Variants in LDB1 observed in about 807,000 individuals in gnomAD.
LDB1 encodes LIM domain-binding protein 1.
A neutral mutation model predicts 49.7 loss-of-function variants in LDB1; 6 were observed. The ratio of observed to expected loss-of-function variants is 0.12; its 90% CI spans 0.07 to 0.24. The LOEUF is 0.24. Ranked by LOEUF, LDB1 falls within the 10% of genes least tolerant of loss-of-function variation. The probability of loss-of-function intolerance (pLI) is 1.00; values close to 1 mark genes in which losing one functional copy is unlikely to be tolerated. For missense variants in LDB1, 341 were observed against 561.7 expected (o/e 0.61, Z 3.97); for synonymous variants, 233 against 202.0 (o/e 1.15, Z -1.30).
downstream of LDB1, among the ~76,000 whole-genome samples, chr10:102,106,181 C>A (rs1231294653): frequency 6.6e-6 from 1 of 152,084 alleles, no homozygotes; most frequent in East Asian, 1.9e-4. Context: ...GGAGGGCCAC[C>A]TGTCTGGCTG....
chr10:102,118,592 C>T (rs1299032642), intron 1 of LDB1, among the ~76,000 whole-genome samples: 1 of 152,214 alleles, frequency 6.6e-6, no homozygotes, highest in Non-Finnish European at 1.5e-5. Context: ...CATACATACC[C>T]GCTTACCCAC....
At chr10:102,103,654 A>G (rs1040677349), downstream of LDB1, among the ~76,000 whole-genome samples, 2 of 151,934 alleles carry the variant, frequency 1.3e-5, no homozygotes, top group African/African-American at 2.4e-5. Context: ...TCTCTACTAA[A>G]ATTACAAAAA....
chr10:102,102,290 C>T (rs2068127945), downstream of LDB1, among the ~76,000 whole-genome samples: 1 of 152,160 alleles, frequency 6.6e-6, no homozygotes, highest in Non-Finnish European at 1.5e-5. Context: ...GTGTCATGAA[C>T]CAAGGTTATG....
At position 102,111,293 on chromosome 10, in the gene LDB1, G is replaced by C. The variant is rs1440518521; in HGVS notation, c.136C>G (p.Pro46Ala). Residue 46 changes from proline (P) to alanine (A), a missense_variant, in exon 3 of 11, where the codon CCC becomes GCC. Pro to Ala is a conservative substitution (Grantham distance 27). Around this residue, in one of 5 missense-constraint regions of LDB1, gnomAD observed 48 missense variants for 43.9 expected, o/e 1.09. Transcript: ENST00000673968. ...TMLDRDVGPT[P>A]MYPPTYLEPG... ...TCCAGGTATGTAGGCGGATACATGG[G>C]AGTTGGGCTGTGTAAAGGAAGAGGC... 4.3e-6 allele frequency: 7 copies of C among 1,614,120 alleles called. No homozygotes were observed. The highest frequency in any genetic ancestry group is 5.9e-6 in the Non-Finnish European group (7 of 1,179,986).
rs765518895 is a variant in LDB1 at position 102,107,141 on chromosome 10, G to A, written c.*952C>T. On this transcript the variant is annotated 3_prime_UTR_variant, in exon 11 of 11. Transcript: ENST00000673968. ...AACAAGGCTGCTCCCTTCTCTCCAC[G>A]CTCCCTAAGGGAAGGAGCCTCCCCT... Among the ~76,000 whole-genome samples the A allele has an allele frequency of 2.0e-5, 3 of 152,072 alleles. No individual in the cohort carries two copies. Among genetic ancestry groups the A allele is most frequent in the Non-Finnish European group, 4.4e-5 (3 of 68,016 alleles).
chr10:102,112,908 C>T (rs926179974), intron 1 of LDB1, among the ~76,000 whole-genome samples: 10 of 152,274 alleles, frequency 6.6e-5, no homozygotes, highest in Admixed American at 2.6e-4. Context: ...GTGTTAAATT[C>T]ATAGTTGGGT....
chr10:102,113,371 G>C (rs560615234), intron 1 of LDB1, among the ~76,000 whole-genome samples: 1 of 152,112 alleles, frequency 6.6e-6, no homozygotes, highest in Non-Finnish European at 1.5e-5. Flanking sequence ...TCAGATGCCC[G>C]CAACAGGCCC....
At chr10:102,105,151 G>A (rs533078845), downstream of LDB1, among the ~76,000 whole-genome samples, 1 of 152,292 alleles carries the variant, frequency 6.6e-6, no homozygotes, top group Admixed American at 6.5e-5. Flanking sequence ...TACACTCAGT[G>A]CCAGACACAG....
At chr10:102,114,810 C>CGG in intron 1 of LDB1, 6 of 963,284 alleles carry the variant, frequency 6.2e-6, no homozygotes, top group Non-Finnish European at 7.4e-6. Context: ...TGCCTCCGAG[C>CGG]AGCCCGCCCG....
At chr10:102,113,773 A>AC (rs1335237093) in intron 1 of LDB1, among the ~76,000 whole-genome samples, 1 of 152,038 alleles carries the variant, frequency 6.6e-6, no homozygotes, top group African/African-American at 2.4e-5. Context: ...AAAAAAAAAA[A>AC]AAAAACTCTC....
Position 102,110,940 on chromosome 10 carries a change from G to A in LDB1, c.281C>T (p.Thr94Met). ...GGCATCATCCTCAAAGAACTCAGTCGTGAATGCATCCCACCAGAGATTGTC... is the reference window on the plus strand; with the variant it reads ...GGCATCATCCTCAAAGAACTCAGTCATGAATGCATCCCACCAGAGATTGTC... ...ECDNLWWDAF[T>M]TEFFEDDAML... Residue 94 changes from threonine (T) to methionine (M), a missense_variant, in exon 5 of 11, where the codon ACG becomes ATG. By Grantham distance (81) the Thr-to-Met change is moderately conservative (BLOSUM62 -1). Transcript: ENST00000673968. 6 of 1,614,064 alleles carry A rather than the reference G, an allele frequency of 3.7e-6. No individual in the cohort carries two copies. The highest frequency in any genetic ancestry group is 5.1e-6 in the Non-Finnish European group (6 of 1,179,962).
At position 102,109,889 on chromosome 10, in the gene LDB1, C is replaced by G; in HGVS notation, c.648+32G>C. 1.2e-6 allele frequency: 2 copies of G among 1,600,488 alleles called. No homozygotes were observed. The highest frequency in any genetic ancestry group is 1.7e-6 in the Non-Finnish European group (2 of 1,174,368). On this transcript the variant is annotated intron_variant, in intron 7 of 10. Coordinates refer to ENST00000673968, the MANE Select transcript of LDB1 (RefSeq NM_001113407.3). The surrounding 1 kb of genome is among the most constrained non-coding windows in gnomAD (Gnocchi z 5.8). ...TCCACCCTTCCCCCGCCTGCCTTCA[C>G]TCTTGCATCCTGGGTCCTGCCCACG...
At chr10:102,114,812 G>GGGCCCCCCCCCCCCCC in intron 1 of LDB1, 181 of 929,764 alleles carry the variant, frequency 1.9e-4, no homozygotes, top group Non-Finnish European at 2.1e-4. Flanking sequence ...CCTCCGAGCA[G>GGGCCCCCCCCCCCCCC]CCCGCCCGCC....
intron 1 of LDB1, chr10:102,114,615 G>T: frequency 1.0e-6 from 1 of 985,372 alleles, no homozygotes. Flanking sequence ...GCTGTCCCGG[G>T]GGAAAGTTAC....
chr10:102,118,296 G>C, intron 1 of LDB1, among the ~76,000 whole-genome samples: 1 of 151,982 alleles, frequency 6.6e-6, no homozygotes, highest in Non-Finnish European at 1.5e-5. Context: ...CAATCTATAA[G>C]ACTTCTTCAT....
upstream of LDB1, chr10:102,120,393 G>A: frequency 1.0e-6 from 1 of 983,610 alleles, no homozygotes; most frequent in Non-Finnish European, 1.2e-6. Context: ...GTGTGCGCGT[G>A]TGCGTGTGCG....
chr10:102,117,967 G>A lies in LDB1; in HGVS notation c.25+2119C>T, dbSNP rs961306966. Among the ~76,000 whole-genome samples the A allele has an allele frequency of 6.6e-6, 1 of 152,146 alleles. No individual in the cohort carries two copies. The highest frequency in any genetic ancestry group is 1.5e-5 in the Non-Finnish European group (1 of 68,028). On this transcript the variant is annotated intron_variant, in intron 1 of 10. Transcript: ENST00000673968. The surrounding 1 kb of genome is among the most constrained non-coding windows in gnomAD (Gnocchi z 4.2). ...GGCATGTGCTGTCTCTGCCGGGCTG[G>A]GGGAGGAGGAGGAGCCCGGAGACAG...
intron 1 of LDB1, among the ~76,000 whole-genome samples, chr10:102,119,143 G>A (rs192550205): frequency 6.6e-6 from 1 of 152,132 alleles, no homozygotes; most frequent in Admixed American, 6.5e-5. Flanking sequence ...TGACTTCCAG[G>A]AGAAAGCTGA....
chr10:102,105,474 G>T (rs968929874), downstream of LDB1, among the ~76,000 whole-genome samples: 1 of 152,044 alleles, frequency 6.6e-6, no homozygotes, highest in East Asian at 1.9e-4. Context: ...CTTAGGAGGG[G>T]AACAGTTTGA....
Sources: gnomAD v4.1 joint callset for allele counts (sites outside exome capture counted in the v4.1 genomes callset) on GRCh38, gnomAD v4.1.1 for gene constraint, gnomAD v4.1.1 regional missense constraint, Gnocchi (gnomAD v3.1) non-coding constraint, MANE v1.5 for transcripts, NCBI Gene and HGNC (gene_info 2026-07-23, HGNC 2026-07-21) for gene names.